Variants in NIM1K observed in about 807,000 individuals in gnomAD.
The protein encoded by NIM1K is serine/threonine-protein kinase NIM1.
In NIM1K, 35 loss-of-function variants were observed where a neutral mutation model predicts 37.1. The observed-to-expected ratio is 0.94, with a 90% CI of 0.72 to 1.25. The LOEUF (loss-of-function observed/expected upper bound fraction) is 1.25, where lower values mean the gene tolerates loss of function less well. Among genes scored for constraint, NIM1K ranks in the 50% most tolerant of loss-of-function variants. The pLI is 0.00. For synonymous variants in NIM1K, 234 were observed against 206.6 expected, an observed-to-expected ratio of 1.13 and a Z score of -1.14; for missense variants, 564 against 548.0, an observed-to-expected ratio of 1.03 and a Z score of -0.29.
intron 1 of NIM1K, among the ~76,000 whole-genome samples, chr5:43,229,395 A>G: frequency 6.6e-6 from 1 of 151,564 alleles, no homozygotes; most frequent in Non-Finnish European, 1.5e-5. Context: ...AAAAAAAAAA[A>G]AAAAAAAAAG....
chr5:43,223,033 G>A (rs373881777), intron 1 of NIM1K, among the ~76,000 whole-genome samples: 1 of 151,562 alleles, frequency 6.6e-6, no homozygotes, highest in Non-Finnish European at 1.5e-5. Flanking sequence ...CAGCTACTCC[G>A]GAGGCTGAGG....
chr5:43,207,148 A>G, intron 1 of NIM1K: 1 of 726,136 alleles, frequency 1.4e-6, no homozygotes, highest in Non-Finnish European at 2.6e-6. Flanking sequence ...TAAAAATTCT[A>G]CACTCGAAGC....
intron 1 of NIM1K, among the ~76,000 whole-genome samples, chr5:43,217,621 C>T (rs938033229): frequency 1.6e-4 from 24 of 151,712 alleles, no homozygotes; most frequent in South Asian, 8.3e-4. Context: ...CATTACCTGA[C>T]GGATAATGAT....
intron 2 of NIM1K, among the ~76,000 whole-genome samples, chr5:43,246,657 T>C (rs1356166062): frequency 6.6e-6 from 1 of 152,224 alleles, no homozygotes; most frequent in African/African-American, 2.4e-5. Context: ...CAGAACCTTT[T>C]CTGTTCAGTC....
At chr5:43,205,270 C>T (rs1053208377) in intron 1 of NIM1K, among the ~76,000 whole-genome samples, 1 of 152,202 alleles carries the variant, frequency 6.6e-6, no homozygotes, top group African/African-American at 2.4e-5. Context: ...CTTTAGTAAT[C>T]TCATCAAGGC....
intron 3 of NIM1K, among the ~76,000 whole-genome samples, chr5:43,277,993 C>G (rs1753376668): frequency 6.6e-6 from 1 of 150,790 alleles, no homozygotes; most frequent in Non-Finnish European, 1.5e-5. Context: ...TCCTTCCTTC[C>G]TTTTCTTCCT....
Position 43,273,989 on chromosome 5 carries a change from T to C in NIM1K, c.293-3068T>C, listed in dbSNP as rs572283496. On this transcript the variant is annotated intron_variant, in intron 2 of 3. Transcript: ENST00000326035. ...GAAAGAGCAGATTTAGAGATCTAGC[T>C]CTTCATGGAATAGCAGTTTCTACCA... 2.0e-5 allele frequency among the ~76,000 whole-genome samples: 3 copies of C among 152,310 alleles called. No homozygotes were observed. The South Asian group carries it at 6.2e-4, about 32-fold the overall frequency.
intron 3 of NIM1K, among the ~76,000 whole-genome samples, chr5:43,278,659 A>G (rs559425849): frequency 3.2e-4 from 49 of 152,330 alleles, no homozygotes; most frequent in African/African-American, 9.6e-4. Flanking sequence ...TGTAGGAGCA[A>G]GAACTGGGAT....
At chr5:43,213,234 C>A (rs1404317771) in intron 1 of NIM1K, among the ~76,000 whole-genome samples, 1 of 105,356 alleles carries the variant, frequency 9.5e-6, no homozygotes, top group African/African-American at 3.8e-5. Flanking sequence ...TCCTTCTTTT[C>A]TTCCTTTCTT....
intron 2 of NIM1K, 31 bp from the exon 3 acceptor site, chr5:43,277,026 C>G: frequency 6.2e-7 from 1 of 1,609,036 alleles, no homozygotes; most frequent in Non-Finnish European, 8.5e-7. Context: ...CCTGTGAATT[C>G]TGGCACAATT....
chr5:43,201,854 G>A (rs777000173), intron 1 of NIM1K, among the ~76,000 whole-genome samples: 1 of 151,812 alleles, frequency 6.6e-6, no homozygotes, highest in Non-Finnish European at 1.5e-5. Context: ...AGCTACTCAG[G>A]AGGCTGAGGC....
chr5:43,256,845 T>G (rs1752954121), intron 2 of NIM1K, among the ~76,000 whole-genome samples: 1 of 152,226 alleles, frequency 6.6e-6, no homozygotes, highest in South Asian at 2.1e-4. Flanking sequence ...ACTTGTTTAA[T>G]AACACTGTCT....
chr5:43,275,175 T>C (rs1179160194), intron 2 of NIM1K, among the ~76,000 whole-genome samples: 1 of 152,270 alleles, frequency 6.6e-6, no homozygotes, highest in Non-Finnish European at 1.5e-5. Context: ...GTAAATATGC[T>C]ACCAGATTTT....
At chr5:43,214,770 C>CGCGCCACTGCACTCGCTCG (rs1752273829) in intron 1 of NIM1K, among the ~76,000 whole-genome samples, 1 of 139,046 alleles carries the variant, frequency 7.2e-6, no homozygotes, top group Non-Finnish European at 1.5e-5. Context: ...GAGCCGAGAT[C>CGCGCCACTGCACTCGCTCG]GCGCCACTGC....
intron 1 of NIM1K, chr5:43,233,222 T>C: frequency 1.1e-6 from 1 of 896,208 alleles, no homozygotes; most frequent in Admixed American, 2.1e-5. Flanking sequence ...AAGGAGAGAT[T>C]GTTGCTTCTT....
chr5:43,223,197 A>G (rs1329666358), intron 1 of NIM1K, among the ~76,000 whole-genome samples: 1 of 151,890 alleles, frequency 6.6e-6, no homozygotes, highest in Admixed American at 6.6e-5. Context: ...AAATAACTAT[A>G]TAGCACACAG....
chr5:43,277,114 T>TACTA lies in NIM1K; in HGVS notation c.351_354dup (p.Ser119ThrfsTer46). On this transcript the variant is annotated frameshift_variant, in exon 3 of 4. Transcript: ENST00000326035. LOFTEE classifies it high-confidence loss of function. Reference sequence around the variant, plus strand: ...AAGTTAGACCAGAAAACCCAGAGGCTACTATCCCGAGAAATCTCCAGCATG... The same window carrying TACTA: ...AAGTTAGACCAGAAAACCCAGAGGCTACTAACTATCCCGAGAAATCTCCAGCATG... 1 of 1,614,100 alleles carries TACTA rather than the reference T, an allele frequency of 6.2e-7. No individual in the cohort carries two copies. The highest frequency in any genetic ancestry group is 8.5e-7 in the Non-Finnish European group (1 of 1,179,988).
chr5:43,213,477 G>A lies in NIM1K; in HGVS notation c.-695+21066G>A, dbSNP rs570495872. On this transcript the variant is annotated intron_variant, in intron 1 of 3. Coordinates refer to ENST00000326035, the MANE Select transcript of NIM1K (RefSeq NM_153361.4). ...CCCAAGTAGCTGGGATTACCGGCAT[G>A]CACCACCACATCTGGCTATTTTTTT... Among the ~76,000 whole-genome samples, 2 of 150,208 alleles carry A rather than the reference G, an allele frequency of 1.3e-5. 1 individual carries two copies. Among genetic ancestry groups the A allele is most frequent in the South Asian group, 4.2e-4 (2 of 4,770 alleles).
intron 2 of NIM1K, among the ~76,000 whole-genome samples, chr5:43,253,659 A>G (rs2112273372): frequency 6.6e-6 from 1 of 151,820 alleles, no homozygotes; most frequent in East Asian, 1.9e-4. Flanking sequence ...AAAGCTACTG[A>G]AGAGTTTTTT....
Sources: allele counts gnomAD v4.1 joint callset (sites outside exome capture counted in the v4.1 genomes callset), GRCh38; gene constraint gnomAD v4.1.1; transcripts MANE v1.5; gene names NCBI Gene and HGNC (gene_info 2026-07-23, HGNC 2026-07-21).